The following ELOVL2 variants were observed in gnomAD, a reference collection of about 807,000 sequenced individuals.
ELOVL2 encodes the protein ELOVL fatty acid elongase 2.
Under a neutral mutation model 37.7 loss-of-function variants are expected in ELOVL2, and 38 were observed. The ratio of observed to expected loss-of-function variants is 1.01; its 90% CI spans 0.78 to 1.32. The LOEUF is 1.32. Ranked by LOEUF, ELOVL2 falls within the 40% of genes most tolerant of loss-of-function variation. The pLI is 0.00. For missense variants in ELOVL2, 352 were observed against 363.6 expected (o/e 0.97, Z 0.26); for synonymous variants, 115 against 122.3 (o/e 0.94, Z 0.40).
intron 1 of ELOVL2, among the ~76,000 whole-genome samples, chr6:11,040,591 T>C (rs760953148): frequency 6.6e-6 from 1 of 152,206 alleles, no homozygotes; most frequent in Non-Finnish European, 1.5e-5. Flanking sequence ...GAAAATTACA[T>C]ATGCGATTTA....
intron 7 of ELOVL2, among the ~76,000 whole-genome samples, chr6:10,984,639 C>G (rs1782011973): frequency 6.7e-6 from 1 of 150,266 alleles, no homozygotes; most frequent in South Asian, 2.1e-4. Context: ...CGATAGTTTA[C>G]TGAGAATGAT....
chr6:10,981,310 CA>C lies in ELOVL2; in HGVS notation c.*2470del, dbSNP rs1325792311. ...ATAGATTATAGAAATATTAATTTTTCAATAGTTTTAGAAAAATCACATTAAA... is the reference window on the plus strand; with the variant it reads ...ATAGATTATAGAAATATTAATTTTTCATAGTTTTAGAAAAATCACATTAAA... On this transcript the variant is annotated 3_prime_UTR_variant, in exon 8 of 8. Coordinates refer to ENST00000354666, the MANE Select transcript of ELOVL2 (RefSeq NM_017770.4). The C allele has an allele frequency of 6.6e-6, 1 of 152,416 alleles. No individual in the cohort carries two copies. Among genetic ancestry groups the C allele is most frequent in the African/African-American group, 2.4e-5 (1 of 41,364 alleles). 9.4% of individuals were successfully genotyped at this position (152,416 alleles called of 1,614,324 possible).
At chr6:10,990,673 C>CCA (rs3066153) in intron 5 of ELOVL2, among the ~76,000 whole-genome samples, 17 of 150,688 alleles carry the variant, frequency 1.1e-4, no homozygotes, top group Middle Eastern at 6.8e-3. Flanking sequence ...GAATGCCCCC[C>CCA]CCCCGCCACA....
chr6:11,005,646 C>T lies in ELOVL2; in HGVS notation c.68-87G>A, dbSNP rs1312771467. On this transcript the variant is annotated intron_variant, in intron 2 of 7. Coordinates refer to ENST00000354666, the MANE Select transcript of ELOVL2 (RefSeq NM_017770.4). ...TTGTCACATACATTGCATTTGTACA[C>T]ACCAGCACAACAGGGAACAACTCCA... The T allele has an allele frequency of 4.4e-6, 5 of 1,142,192 alleles. No homozygotes were observed. In the Admixed American group the frequency reaches 9.0e-5, roughly 20 times the overall value. 70.8% of individuals were successfully genotyped at this position (1,142,192 alleles called of 1,614,324 possible).
At chr6:10,999,278 G>T (rs1368142826) in intron 4 of ELOVL2, among the ~76,000 whole-genome samples, 1 of 151,982 alleles carries the variant, frequency 6.6e-6, no homozygotes, top group Non-Finnish European at 1.5e-5. Flanking sequence ...ATTATGTAAA[G>T]CACTCAGTGG....
chr6:10,989,553 C>T (rs1162343512), intron 7 of ELOVL2, 150 bp downstream of exon 7: 16 of 661,320 alleles, frequency 2.4e-5, no homozygotes, highest in Non-Finnish European at 4.0e-5. Context: ...GCAGGAGAAT[C>T]ACTTGAACCC....
At chr6:11,024,983 C>T (rs965283725) in intron 1 of ELOVL2, among the ~76,000 whole-genome samples, 1 of 152,132 alleles carries the variant, frequency 6.6e-6, no homozygotes, top group Admixed American at 6.5e-5. Context: ...GATAGATTAC[C>T]GCCCAACACA....
At chr6:11,043,053 G>A (rs1783127542) in intron 1 of ELOVL2, among the ~76,000 whole-genome samples, 1 of 152,170 alleles carries the variant, frequency 6.6e-6, no homozygotes, top group African/African-American at 2.4e-5. Flanking sequence ...AAGCAGGCAA[G>A]GGGAATATAC....
intron 1 of ELOVL2, among the ~76,000 whole-genome samples, chr6:11,015,219 A>G (rs1016730455): frequency 6.6e-6 from 1 of 152,218 alleles, no homozygotes; most frequent in African/African-American, 2.4e-5. Flanking sequence ...AGACCAGAAT[A>G]GCCTTCAAAA....
intron 1 of ELOVL2, among the ~76,000 whole-genome samples, chr6:11,035,377 T>C (rs1160415776): frequency 6.6e-6 from 1 of 152,238 alleles, no homozygotes; most frequent in Non-Finnish European, 1.5e-5. Context: ...ATTCTGTAGG[T>C]CCGACCTCAC....
Position 11,044,178 on chromosome 6 carries a change from GAGAGAAA to G in ELOVL2, c.3+43_3+49del, listed in dbSNP as rs1335932651. 1.4e-5 allele frequency: 21 copies of G among 1,456,638 alleles called. No homozygotes were observed. The highest frequency in any genetic ancestry group is 1.8e-5 in the Non-Finnish European group (20 of 1,102,774). The allele number at this position is 1,456,638 out of a possible 1,614,324, so 90.2% of individuals were successfully genotyped here. On this transcript the variant is annotated intron_variant, in intron 1 of 7. Coordinates refer to ENST00000354666, the MANE Select transcript of ELOVL2 (RefSeq NM_017770.4). This position sits in a 1 kb window ranked among gnomAD's most constrained non-coding sequence, Gnocchi z 5.6. ...TTTCCCGCCCGGTGCGTGGGTCCAG[GAGAGAAA>G]GAAAGCGCGGCGGTGTCGGTGGCGG...
chr6:10,986,744 G>T (rs1461462612), intron 7 of ELOVL2, among the ~76,000 whole-genome samples: 2 of 145,488 alleles, frequency 1.4e-5, no homozygotes, highest in Admixed American at 7.0e-5. Flanking sequence ...TGCTGGATTC[G>T]GTTTGCCAGT....
Position 10,989,155 on chromosome 6 carries a change from T to G in ELOVL2, c.765+548A>C, listed in dbSNP as rs189411820. On this transcript the variant is annotated intron_variant, in intron 7 of 7. Transcript: ENST00000354666. ...ATATATAATCCAATGATATTTTTGA[T>G]AAAACCTTATGTGTATGCATTGAAA... 4.0e-3 allele frequency among the ~76,000 whole-genome samples: 612 copies of G among 152,378 alleles called. 3 individuals are homozygous for G. Among genetic ancestry groups the G allele is most frequent in the Non-Finnish European group, 7.5e-3 (508 of 68,028 alleles).
At chr6:11,040,175 T>C (rs1783077579) in intron 1 of ELOVL2, among the ~76,000 whole-genome samples, 1 of 152,164 alleles carries the variant, frequency 6.6e-6, no homozygotes, top group Admixed American at 6.5e-5. Context: ...CTGGTGGAAT[T>C]ACTAACAGCA....
rs966010600 is a variant in ELOVL2, at chr6:11,044,043, G to T, written c.3+185C>A. ...GCCTCGGGCCGACCCGCGCGCCCCCGGCCCAAACGCTCAGCTCCCGCTCCC... is the reference window on the plus strand; with the variant it reads ...GCCTCGGGCCGACCCGCGCGCCCCCTGCCCAAACGCTCAGCTCCCGCTCCC... On this transcript the variant is annotated intron_variant, in intron 1 of 7. Coordinates refer to ENST00000354666, the MANE Select transcript of ELOVL2 (RefSeq NM_017770.4). This position sits in a 1 kb window ranked among gnomAD's most constrained non-coding sequence, Gnocchi z 5.6. 6.6e-6 allele frequency among the ~76,000 whole-genome samples: 1 copy of T among 150,986 alleles called. No homozygotes were observed. Among genetic ancestry groups the T allele is most frequent in the Non-Finnish European group, 1.5e-5 (1 of 67,606 alleles).
chr6:11,038,119 T>A (rs1740827510), intron 1 of ELOVL2, among the ~76,000 whole-genome samples: 2 of 152,210 alleles, frequency 1.3e-5, no homozygotes, highest in Non-Finnish European at 2.9e-5. Flanking sequence ...AAATTATTTA[T>A]CTTCTTTGAA....
At chr6:11,032,751 G>T (rs764401031) in intron 1 of ELOVL2, among the ~76,000 whole-genome samples, 48 of 152,170 alleles carry the variant, frequency 3.2e-4, no homozygotes, top group Non-Finnish European at 1.3e-4. Context: ...AGAAGTTCTT[G>T]CCCTTACAGA....
chr6:10,993,611 T>G (rs916370049), intron 5 of ELOVL2, among the ~76,000 whole-genome samples: 6 of 152,212 alleles, frequency 3.9e-5, no homozygotes, highest in South Asian at 2.1e-4. Context: ...TCTCTAGACA[T>G]GGGTCATGGG....
chr6:11,003,136 G>C (rs1186516055), intron 3 of ELOVL2, among the ~76,000 whole-genome samples: 1 of 152,160 alleles, frequency 6.6e-6, no homozygotes, highest in Non-Finnish European at 1.5e-5. Flanking sequence ...TGCTGCTGCT[G>C]TCACTTCTTT....
Sources: gnomAD v4.1 joint callset for allele counts (sites outside exome capture counted in the v4.1 genomes callset) on GRCh38, gnomAD v4.1.1 for gene constraint, Gnocchi (gnomAD v3.1) non-coding constraint, MANE v1.5 for transcripts, NCBI Gene and HGNC (gene_info 2026-07-23, HGNC 2026-07-21) for gene names.